The following ETNK1 variants were observed in gnomAD, a reference collection of about 807,000 sequenced individuals.
ETNK1 encodes the protein ethanolamine kinase 1.
Under a neutral mutation model 45.1 loss-of-function variants are expected in ETNK1, and 8 were observed. That is an observed-to-expected ratio of 0.18 (90% confidence interval 0.10 to 0.32). The LOEUF is 0.32. Among genes scored for constraint, ETNK1 ranks in the 10% least tolerant of loss-of-function variants. The pLI, the probability that ETNK1 is intolerant of heterozygous loss-of-function variation, is 1.00. For synonymous variants in ETNK1, 152 were observed against 151.9 expected (o/e 1.00, Z -0.01); for missense variants, 302 against 430.6 (o/e 0.70, Z 2.64).
intron 5 of ETNK1, 78 bp from the exon 6 acceptor site, chr12:22,673,422 G>A (rs1386690362): frequency 1.9e-6 from 2 of 1,076,540 alleles, no homozygotes; most frequent in South Asian, 4.4e-5. Context: ...TGAAAAAATG[G>A]TGGTTTTAGG....
chr12:22,664,912 C>T (rs1954039203), intron 4 of ETNK1, among the ~76,000 whole-genome samples: 1 of 152,068 alleles, frequency 6.6e-6, no homozygotes, highest in Admixed American at 6.6e-5. Flanking sequence ...TATTTGTCTG[C>T]AGTATGTTTC....
chr12:22,677,391 CATGCTG>C (rs1954172442), intron 6 of ETNK1, among the ~76,000 whole-genome samples: 2 of 152,282 alleles, frequency 1.3e-5, no homozygotes, highest in African/African-American at 4.8e-5. Context: ...GTACCAGTAC[CATGCTG>C]TTTTGATTAC....
intron 6 of ETNK1, among the ~76,000 whole-genome samples, chr12:22,679,708 T>G (rs559763486): frequency 3.0e-4 from 46 of 151,116 alleles, no homozygotes; most frequent in African/African-American, 8.3e-4. Flanking sequence ...TTTTGTTTTT[T>G]TTTTTTTTTT....
chr12:22,654,823 A>G (rs1307007762), intron 2 of ETNK1, among the ~76,000 whole-genome samples: 4 of 152,176 alleles, frequency 2.6e-5, no homozygotes, highest in African/African-American at 9.7e-5. Context: ...TATAAAAGTA[A>G]TTCTCATTTT....
intron 6 of ETNK1, among the ~76,000 whole-genome samples, chr12:22,683,718 T>C (rs1954234592): frequency 6.6e-6 from 1 of 152,172 alleles, no homozygotes; most frequent in Non-Finnish European, 1.5e-5. Flanking sequence ...ACTTTTTTGT[T>C]AGAGCCCCTT....
chr12:22,662,228 C>T (rs900283244), intron 4 of ETNK1, among the ~76,000 whole-genome samples: 14 of 149,438 alleles, frequency 9.4e-5, no homozygotes, highest in East Asian at 1.9e-4. Context: ...TCACCATGCC[C>T]GGCTAATTTT....
intron 2 of ETNK1, among the ~76,000 whole-genome samples, chr12:22,655,297 AG>A (rs1234592224): frequency 1.3e-5 from 2 of 149,998 alleles, no homozygotes; most frequent in African/African-American, 4.9e-5. Context: ...TGAAATGGCA[AG>A]TTAGTCTATA....
intron 2 of ETNK1, among the ~76,000 whole-genome samples, chr12:22,645,236 G>A (rs10770911): frequency 0.36 from 53,983 of 151,388 alleles, 9,955 homozygotes; most frequent in Non-Finnish European, 0.41. Flanking sequence ...TAGATGCATA[G>A]ATTGGATCCC....
rs1953554770 is a variant in ETNK1 at position 22,630,041 on chromosome 12, T to C, written c.156+4455T>C. Among the ~76,000 whole-genome samples the C allele has an allele frequency of 1.3e-5, 2 of 152,212 alleles. 1 individual carries two copies. The highest frequency in any genetic ancestry group is 4.1e-4 in the South Asian group (2 of 4,828). On this transcript the variant is annotated intron_variant, in intron 1 of 7. Transcript: ENST00000266517. ...AGTGCTAGTTTGTTTTCCTGTATAA[T>C]AGCCATGTAACTTGGACTACACAAA...
chr12:22,650,055 G>T (rs1203834855), intron 2 of ETNK1, among the ~76,000 whole-genome samples: 1 of 151,902 alleles, frequency 6.6e-6, no homozygotes, highest in African/African-American at 2.4e-5. Context: ...ATTTTTGGGG[G>T]TGTTACTGTA....
At chr12:22,640,950 ATATAG>A (rs1206798430) in intron 1 of ETNK1, among the ~76,000 whole-genome samples, 2 of 152,192 alleles carry the variant, frequency 1.3e-5, no homozygotes, top group Non-Finnish European at 2.9e-5. Context: ...TATATATTTA[ATATAG>A]TATATATAGC....
intron 2 of ETNK1, among the ~76,000 whole-genome samples, chr12:22,653,081 G>A (rs1953898547): frequency 6.6e-6 from 1 of 151,984 alleles, no homozygotes; most frequent in African/African-American, 2.4e-5. Context: ...AGTACATTTT[G>A]TTGTCCTTTC....
chr12:22,655,277 G>T (rs1011991667), intron 2 of ETNK1, among the ~76,000 whole-genome samples: 1 of 151,502 alleles, frequency 6.6e-6, no homozygotes, highest in African/African-American at 2.4e-5. Context: ...CAACTTGTAG[G>T]AAGTTAGTGT....
chr12:22,649,182 G>C (rs1351969752), intron 2 of ETNK1, among the ~76,000 whole-genome samples: 1 of 151,864 alleles, frequency 6.6e-6, no homozygotes, highest in Non-Finnish European at 1.5e-5. Context: ...TTATTCTCTT[G>C]ACAGTGTCTT....
intron 2 of ETNK1, among the ~76,000 whole-genome samples, chr12:22,657,245 GTTTA>G (rs1361831000): frequency 6.6e-6 from 1 of 152,080 alleles, no homozygotes; most frequent in Non-Finnish European, 1.5e-5. Context: ...AAAAATAAAT[GTTTA>G]TTTACTCATT....
chr12:22,627,592 T>G (rs576510770), intron 1 of ETNK1, among the ~76,000 whole-genome samples: 4 of 152,206 alleles, frequency 2.6e-5, no homozygotes, highest in East Asian at 1.9e-4. Context: ...CAGAATTTCT[T>G]TAGTAAATCT....
At chr12:22,639,205 T>A (rs1053351058) in intron 1 of ETNK1, among the ~76,000 whole-genome samples, 20 of 152,116 alleles carry the variant, frequency 1.3e-4, no homozygotes, top group East Asian at 5.8e-4. Flanking sequence ...TGGTGTTTTT[T>A]AATTTTTAAT....
At chr12:22,667,577 G>C (rs1281615341) in intron 4 of ETNK1, among the ~76,000 whole-genome samples, 4 of 152,152 alleles carry the variant, frequency 2.6e-5, no homozygotes, top group Non-Finnish European at 5.9e-5. Context: ...TTTCAGACTA[G>C]AATACTCCCT....
chr12:22,669,784 A>C (rs989534923), intron 4 of ETNK1, among the ~76,000 whole-genome samples: 3 of 151,822 alleles, frequency 2.0e-5, no homozygotes, highest in Admixed American at 1.3e-4. Flanking sequence ...AGCTTGGGCA[A>C]CATAGCAAGA....
Sources: allele counts gnomAD v4.1 joint callset (sites outside exome capture counted in the v4.1 genomes callset), GRCh38; gene constraint gnomAD v4.1.1; transcripts MANE v1.5; gene names NCBI Gene and HGNC (gene_info 2026-07-23, HGNC 2026-07-21).